The following NIBAN1 variants were observed in gnomAD, a reference collection of about 807,000 sequenced individuals.
NIBAN1 encodes the protein niban apoptosis regulator 1, also known as protein Niban 1.
In NIBAN1, 81 loss-of-function variants were observed where a neutral mutation model predicts 75.1. That is an observed-to-expected ratio of 1.08 (90% confidence interval 0.90 to 1.30). NIBAN1 has a LOEUF of 1.30. Among genes scored for constraint, NIBAN1 ranks in the 50% most tolerant of loss-of-function variants. NIBAN1 has a pLI of 0.00. For missense variants in NIBAN1, 1,133 were observed against 1,128.1 expected (o/e 1.00, Z -0.06); for synonymous variants, 436 against 424.8 (o/e 1.03, Z -0.32).
chr1:184,838,652 G>A (rs1234543822), intron 5 of NIBAN1, among the ~76,000 whole-genome samples: 1 of 151,732 alleles, frequency 6.6e-6, no homozygotes, highest in Non-Finnish European at 1.5e-5. Context: ...TTATTCATGG[G>A]GCCAGCCAGA....
intron 2 of NIBAN1, among the ~76,000 whole-genome samples, chr1:184,896,151 G>A (rs1056043299): frequency 2.0e-5 from 3 of 152,000 alleles, no homozygotes; most frequent in African/African-American, 7.3e-5. Flanking sequence ...TTTCCGTAGG[G>A]GTTGAACTAA....
intron 1 of NIBAN1, among the ~76,000 whole-genome samples, chr1:184,931,944 C>T (rs754677578): frequency 6.6e-6 from 1 of 152,200 alleles, no homozygotes; most frequent in Non-Finnish European, 1.5e-5. Flanking sequence ...CTTTAGCACC[C>T]TCTCCATGTT....
chr1:184,890,339 A>G (rs1656635375), intron 3 of NIBAN1, 117 bp from the exon 4 acceptor site: 10 of 714,156 alleles, frequency 1.4e-5, no homozygotes, highest in Non-Finnish European at 2.5e-5. Flanking sequence ...TCCCCATACT[A>G]TGTTATTGAG....
intron 1 of NIBAN1, among the ~76,000 whole-genome samples, chr1:184,913,137 G>GTATATATATATATATATAT (rs56098797): frequency 0.052 from 5,677 of 109,624 alleles, 192 homozygotes; most frequent in Non-Finnish European, 0.074. Context: ...TATCATGCAG[G>GTATATATATATATATATAT]TATATATATA....
rs182531333 is a variant in NIBAN1, at chr1:184,845,683, G to A, written c.602-13721C>T. Among the ~76,000 whole-genome samples, 6 of 33,984 alleles carry A rather than the reference G, an allele frequency of 1.8e-4. 2 individuals carry two copies. Among genetic ancestry groups the A allele is most frequent in the Non-Finnish European group, 3.6e-4 (6 of 16,482 alleles). 22.3% of individuals were successfully genotyped at this position (33,984 alleles called of 152,430 possible). On this transcript the variant is annotated intron_variant, in intron 5 of 13. Transcript: ENST00000367511. ...TCCCAGCGTAAGCGACGCAGAAGACGGGTGATTTCTGCATTTCCATCTGAG... is the reference window on the plus strand; with the variant it reads ...TCCCAGCGTAAGCGACGCAGAAGACAGGTGATTTCTGCATTTCCATCTGAG...
At chr1:184,860,448 A>C (rs749195451) in intron 5 of NIBAN1, among the ~76,000 whole-genome samples, 1 of 152,196 alleles carries the variant, frequency 6.6e-6, no homozygotes, top group Non-Finnish European at 1.5e-5. Flanking sequence ...TTGTGAAAAA[A>C]ATTGTTCTAT....
At chr1:184,805,232 T>C (rs1005235134) in intron 11 of NIBAN1, among the ~76,000 whole-genome samples, 1 of 152,212 alleles carries the variant, frequency 6.6e-6, no homozygotes, top group African/African-American at 2.4e-5. Context: ...TTAGGGGAAC[T>C]AGAAGGCAGT....
In NIBAN1 at chr1:184,795,866, G is replaced by A. The variant is rs12750174; in HGVS notation, c.1898C>T (p.Ser633Leu). Reference sequence around the variant, plus strand: ...AGAAAGGCTTTCTCCTTTGGCCAACGAGCTAGGGACCTCAGGCTGCTTCTC... The same window carrying A: ...AGAAAGGCTTTCTCCTTTGGCCAACAAGCTAGGGACCTCAGGCTGCTTCTC... The part of the protein sequence containing the change: ...EEEKQPEVPS[S>L]LAKGESLSLP... Residue 633 changes from serine (S) to leucine (L), a missense_variant, in exon 14 of 14, where the codon TCG becomes TTG. Coordinates refer to ENST00000367511, the MANE Select transcript of NIBAN1 (RefSeq NM_052966.4). 44,393 of 1,612,424 alleles carry A rather than the reference G, an allele frequency of 0.028. 750 individuals carry two copies. Among genetic ancestry groups the A allele is most frequent in the Non-Finnish European group, 0.034 (39,977 of 1,178,996 alleles).
chr1:184,871,190 T>C (rs923664249), intron 5 of NIBAN1, among the ~76,000 whole-genome samples: 4 of 151,444 alleles, frequency 2.6e-5, no homozygotes, highest in Non-Finnish European at 4.4e-5. Flanking sequence ...CTACTAAAAA[T>C]ACAAAAATTA....
chr1:184,973,172 C>A (rs1285803820), intron 1 of NIBAN1, among the ~76,000 whole-genome samples: 3 of 152,170 alleles, frequency 2.0e-5, no homozygotes, highest in Non-Finnish European at 2.9e-5. Flanking sequence ...AGTGTTATCC[C>A]CTGACAGTAC....
chr1:184,868,168 G>GC (rs1244618961), intron 5 of NIBAN1: 8 of 491,748 alleles, frequency 1.6e-5, no homozygotes, highest in Non-Finnish European at 2.1e-5. Flanking sequence ...CCTTTTCTAA[G>GC]CCTCTTAAAA....
chr1:184,853,223 C>T (rs1655591221), intron 5 of NIBAN1, among the ~76,000 whole-genome samples: 1 of 152,170 alleles, frequency 6.6e-6, no homozygotes, highest in African/African-American at 2.4e-5. Context: ...AGAAAAGCTA[C>T]CTTACTATTT....
intron 1 of NIBAN1, among the ~76,000 whole-genome samples, chr1:184,929,176 C>T (rs957057429): frequency 2.6e-5 from 4 of 152,152 alleles, no homozygotes; most frequent in African/African-American, 9.7e-5. Context: ...TCCTTGAAAT[C>T]CCAGCCAGTC....
intron 1 of NIBAN1, among the ~76,000 whole-genome samples, chr1:184,965,603 C>T (rs1658762379): frequency 6.6e-6 from 1 of 152,102 alleles, no homozygotes. Flanking sequence ...GGTAAGTACA[C>T]ATGGACACAT....
At chr1:184,842,609 C>G (rs919517390) in intron 5 of NIBAN1, among the ~76,000 whole-genome samples, 1 of 152,064 alleles carries the variant, frequency 6.6e-6, no homozygotes, top group Non-Finnish European at 1.5e-5. Context: ...AAAAATTAGC[C>G]GGGCGTGGTG....
Position 184,845,864 on chromosome 1 carries a change from G to A in NIBAN1, c.602-13902C>T, listed in dbSNP as rs1199843822. Among the ~76,000 whole-genome samples, 13 of 82,674 alleles carry A rather than the reference G, an allele frequency of 1.6e-4. 4 individuals carry two copies. Among genetic ancestry groups the A allele is most frequent in the Middle Eastern group, 0.013 (2 of 156 alleles). The allele number at this position is 82,674 out of a possible 152,430, so 54.2% of individuals were successfully genotyped here. A position where few individuals can be genotyped will look rare whatever the true frequency, so the allele number is the denominator to read the frequency against. ...TTCCGAGTCAAAGAAAGGGGTGACG[G>A]ACGCACCTGGAAAATCGGGTCACTC... On this transcript the variant is annotated intron_variant, in intron 5 of 13. Transcript: ENST00000367511.
intron 1 of NIBAN1, among the ~76,000 whole-genome samples, chr1:184,961,209 C>A (rs1658633562): frequency 6.6e-6 from 1 of 151,788 alleles, no homozygotes; most frequent in South Asian, 2.1e-4. Flanking sequence ...GCTGGGACTA[C>A]AGGCGCCTGC....
intron 1 of NIBAN1, among the ~76,000 whole-genome samples, chr1:184,919,964 T>C (rs186450537): frequency 6.6e-6 from 1 of 152,002 alleles, no homozygotes; most frequent in East Asian, 1.9e-4. Context: ...TTGCAATTCA[T>C]TACCCAGGGA....
chr1:184,918,173 T>G (rs941647385), intron 1 of NIBAN1, among the ~76,000 whole-genome samples: 2 of 152,150 alleles, frequency 1.3e-5, no homozygotes, highest in Non-Finnish European at 2.9e-5. Context: ...CTCAGAATCA[T>G]CCTTTTGGAT....
Sources: gnomAD v4.1 joint callset for allele counts (sites outside exome capture counted in the v4.1 genomes callset) on GRCh38, gnomAD v4.1.1 for gene constraint, MANE v1.5 for transcripts, NCBI Gene and HGNC (gene_info 2026-07-23, HGNC 2026-07-21) for gene names.